The following LMOD1 variants were observed in gnomAD, a reference collection of about 807,000 sequenced individuals.
The protein encoded by LMOD1 is leiomodin-1.
In LMOD1, 8 loss-of-function variants were observed where a neutral mutation model predicts 36.5. That is an observed-to-expected ratio of 0.22 (90% CI 0.13 to 0.40). The LOEUF is 0.40. Among genes scored for constraint, LMOD1 ranks in the 10% least tolerant of loss-of-function variants. The probability of loss-of-function intolerance (pLI) is 1.00; values close to 1 mark genes in which losing one functional copy is unlikely to be tolerated. For missense variants in LMOD1, 630 were observed against 751.1 expected, an observed-to-expected ratio of 0.84 and a Z score of 1.88; for synonymous variants, 284 against 288.7, an observed-to-expected ratio of 0.98 and a Z score of 0.17.
rs370252984 is a variant in LMOD1 at position 201,900,653 on chromosome 1, A to G, written c.360T>C (p.Asp120=). The change falls in exon 2 of 3, where the codon GAT becomes GAC. Residue 120 remains aspartate, a synonymous_variant. Coordinates refer to ENST00000367288, the MANE Select transcript of LMOD1 (RefSeq NM_012134.3). ...KKALGPRRDS[D]LGKEPKRGGL... The stretch of plus-strand genomic sequence containing the variant: ...CACCCCTCTTTGGCTCCTTCCCCAG[A>G]TCTGAGTCCCGTCTGGGGCCCAGGG... 36 of 1,613,456 alleles carry G rather than the reference A, an allele frequency of 2.2e-5. No homozygotes were observed. In the African/African-American group the frequency reaches 2.9e-4, roughly 13 times the overall value.
At chr1:201,940,768 G>A (rs747852958) in intron 1 of LMOD1, among the ~76,000 whole-genome samples, 1 of 128,116 alleles carries the variant, frequency 7.8e-6, no homozygotes, top group Non-Finnish European at 1.7e-5. Flanking sequence ...TTTTTTTTGA[G>A]ACGGAATTCT....
chr1:201,920,724 C>A (rs1024755970), intron 1 of LMOD1, among the ~76,000 whole-genome samples: 1 of 152,084 alleles, frequency 6.6e-6, no homozygotes, highest in Non-Finnish European at 1.5e-5. Flanking sequence ...CAGGACCCAG[C>A]GAATATAGAA....
chr1:201,943,095 A>G (rs1002273710), intron 1 of LMOD1, among the ~76,000 whole-genome samples: 5 of 152,242 alleles, frequency 3.3e-5, no homozygotes, highest in Admixed American at 1.3e-4. Flanking sequence ...AGCCAATATA[A>G]GAATTTGTGG....
rs772951886 is a variant in LMOD1, at chr1:201,899,641, C to T, written c.1372G>A (p.Gly458Arg). The change falls in exon 2 of 3, where the codon GGG becomes AGG. Residue 458 changes from glycine to arginine, a missense_variant. Coordinates refer to ENST00000367288, the MANE Select transcript of LMOD1 (RefSeq NM_012134.3). This position sits in a 1 kb window ranked among gnomAD's most constrained non-coding sequence, Gnocchi z 6.3. ...AGATTGGTGACAGTCATTCGGGGCCCGGCCAGCTCAAAATGGTAGCCCAGC... is the reference window on the plus strand; with the variant it reads ...AGATTGGTGACAGTCATTCGGGGCCTGGCCAGCTCAAAATGGTAGCCCAGC... ...LKLGYHFELAGPRMTVTNLLS... is the reference protein window; with the variant it reads ...LKLGYHFELARPRMTVTNLLS... 1.9e-6 allele frequency: 3 copies of T among 1,613,136 alleles called. No homozygotes were observed. The highest frequency in any genetic ancestry group is 1.7e-5 in the Admixed American group (1 of 59,870).
rs1011971422 is a variant in LMOD1, at chr1:201,900,483, C to A, written c.530G>T (p.Arg177Ile). 2 of 1,613,414 alleles carry A rather than the reference C, an allele frequency of 1.2e-6. No homozygotes were observed. The highest frequency in any genetic ancestry group is 1.7e-6 in the Non-Finnish European group (2 of 1,179,640). The change falls in exon 2 of 3, where the codon AGA becomes ATA. Residue 177 changes from arginine (R) to isoleucine (I), a missense_variant. Physicochemically the swap from Arg to Ile is moderately conservative, Grantham distance 97 (BLOSUM62 -3). This residue lies in a region of LMOD1 where 405 missense variants were observed against 400.6 expected (regional missense o/e 1.01). Coordinates refer to ENST00000367288, the MANE Select transcript of LMOD1 (RefSeq NM_012134.3). ...GGTGGCCACTGCCCTCTCCTCTCCT[C>A]TCCCATCCTTCCCTGCCTCCTTCTT... ...VDKKEAGKDG[R>I]GEERAVATKK... is the part of the protein sequence containing the mutation.
chr1:201,927,946 G>A (rs1438546256), intron 1 of LMOD1, among the ~76,000 whole-genome samples: 1 of 152,166 alleles, frequency 6.6e-6, no homozygotes. Flanking sequence ...GGGAGCTGGG[G>A]CCTAATGGAA....
chr1:201,921,593 G>A (rs1459779418), intron 1 of LMOD1, among the ~76,000 whole-genome samples: 4 of 151,888 alleles, frequency 2.6e-5, no homozygotes, highest in East Asian at 1.9e-4. Context: ...TGAAAACCAC[G>A]GGAGTAAATA....
At chr1:201,931,602 C>A (rs1296737246) in intron 1 of LMOD1, among the ~76,000 whole-genome samples, 1 of 150,510 alleles carries the variant, frequency 6.6e-6, no homozygotes, top group African/African-American at 2.4e-5. Context: ...CGAAAACTTG[C>A]ATACATGGAT....
intron 1 of LMOD1, among the ~76,000 whole-genome samples, chr1:201,917,163 C>T (rs991916968): frequency 1.3e-5 from 2 of 152,144 alleles, no homozygotes; most frequent in African/African-American, 4.8e-5. Flanking sequence ...TCTGCCAAGG[C>T]TGGGAGGGTT....
At position 201,946,299 on chromosome 1, in the gene LMOD1, G is replaced by A. The variant is rs756825334; in HGVS notation, c.42C>T (p.Asp14=). Reference sequence around the variant, plus strand: ...TCTCCAGCAGGCTGTCGATGTCGGGGTCTTCACTCACCTGCCGGCGATATT... The same window carrying A: ...TCTCCAGCAGGCTGTCGATGTCGGGATCTTCACTCACCTGCCGGCGATATT... The part of the protein sequence containing the change: ...VAKYRRQVSE[D]PDIDSLLETL... The change falls in exon 1 of 3, where the codon GAC becomes GAT. Residue 14 remains aspartate (D), a synonymous_variant. Transcript: ENST00000367288. 1.9e-6 allele frequency: 3 copies of A among 1,613,960 alleles called. No homozygotes were observed. The South Asian group carries it at 3.3e-5, about 18-fold the overall frequency.
At chr1:201,931,999 T>C (rs2102927025) in intron 1 of LMOD1, among the ~76,000 whole-genome samples, 1 of 152,198 alleles carries the variant, frequency 6.6e-6, no homozygotes, top group South Asian at 2.1e-4. Context: ...GCTGAGGTTA[T>C]AGGGTTTTAA....
At chr1:201,945,575 C>A (rs1027927812) in intron 1 of LMOD1, among the ~76,000 whole-genome samples, 1 of 152,154 alleles carries the variant, frequency 6.6e-6, no homozygotes, top group Admixed American at 6.6e-5. Context: ...TCATTTACCC[C>A]CAAGCCTCCT....
chr1:201,929,646 G>A (rs10494831), intron 1 of LMOD1, among the ~76,000 whole-genome samples: 32,350 of 152,120 alleles, frequency 0.21, 3,882 homozygotes, highest in East Asian at 0.42. Flanking sequence ...AGTCTCAGAA[G>A]GGTATAGATG....
chr1:201,937,120 A>G (rs1682032386), intron 1 of LMOD1, among the ~76,000 whole-genome samples: 1 of 152,142 alleles, frequency 6.6e-6, no homozygotes, highest in Non-Finnish European at 1.5e-5. Flanking sequence ...TGATCTGCAT[A>G]TGGAAATATA....
chr1:201,907,999 C>A (rs983487111), intron 1 of LMOD1, among the ~76,000 whole-genome samples: 20 of 152,224 alleles, frequency 1.3e-4, no homozygotes, highest in African/African-American at 4.8e-4. Flanking sequence ...ATAGAGCAGG[C>A]CTCCCCGCTG....
At chr1:201,901,323 G>A (rs1025724914) in intron 1 of LMOD1, among the ~76,000 whole-genome samples, 25 of 151,058 alleles carry the variant, frequency 1.7e-4, no homozygotes, top group African/African-American at 5.1e-4. Flanking sequence ...TGGCCAACAT[G>A]GAGAAACCTG....
Position 201,898,231 on chromosome 1 carries a change from C to T in LMOD1, c.*141G>A. Reference sequence around the variant, plus strand: ...ATAAGGCATCCTTCCTTGAGCGTGACCCAGGCCTGGACTCTCCCATGGCAG... The same window carrying T: ...ATAAGGCATCCTTCCTTGAGCGTGATCCAGGCCTGGACTCTCCCATGGCAG... On this transcript the variant is annotated 3_prime_UTR_variant, in exon 3 of 3. Coordinates refer to ENST00000367288, the MANE Select transcript of LMOD1 (RefSeq NM_012134.3). 1.2e-6 allele frequency: 1 copy of T among 812,492 alleles called. No homozygotes were observed. Among genetic ancestry groups the T allele is most frequent in the South Asian group, 1.5e-5 (1 of 65,846 alleles). The allele number at this position is 812,492 out of a possible 1,614,324, so 50.3% of individuals were successfully genotyped here. A position where few individuals can be genotyped will look rare whatever the true frequency, so the allele number is the denominator to read the frequency against.
Position 201,899,839 on chromosome 1 carries a change from G to C in LMOD1, c.1174C>G (p.Leu392Val). ...MLKANKTITS[L>V]NLDSNHITGK... The stretch of plus-strand genomic sequence containing the variant: ...GTGATGTGGTTGGAGTCCAGGTTGA[G>C]GCTGGTGATGGTCTTGTTGGCCTTG... The change falls in exon 2 of 3, where the codon CTC (leucine) becomes GTC (valine). Residue 392 changes from leucine (L) to valine (V), a missense_variant. Transcript: ENST00000367288. This position sits in a 1 kb window ranked among gnomAD's most constrained non-coding sequence, Gnocchi z 6.3. 1 of 1,614,038 alleles carries C rather than the reference G, an allele frequency of 6.2e-7. No individual in the cohort carries two copies. The highest frequency in any genetic ancestry group is 8.5e-7 in the Non-Finnish European group (1 of 1,179,894).
chr1:201,919,657 G>T (rs1000245830), intron 1 of LMOD1, among the ~76,000 whole-genome samples: 1 of 152,194 alleles, frequency 6.6e-6, no homozygotes, highest in Non-Finnish European at 1.5e-5. Flanking sequence ...CTGTGGGCTA[G>T]AAAAGTTCAT....
Sources: gnomAD v4.1 joint callset for allele counts (sites outside exome capture counted in the v4.1 genomes callset) on GRCh38, gnomAD v4.1.1 for gene constraint, gnomAD v4.1.1 regional missense constraint, Gnocchi (gnomAD v3.1) non-coding constraint, MANE v1.5 for transcripts, NCBI Gene and HGNC (gene_info 2026-07-23, HGNC 2026-07-21) for gene names.